Variants in EPS8 observed in about 807,000 individuals in gnomAD.
EPS8 encodes EGFR pathway substrate 8, signaling adaptor.
Under a neutral mutation model 103.8 loss-of-function variants are expected in EPS8, and 42 were observed. The observed-to-expected ratio is 0.40, with a 90% CI of 0.32 to 0.52. The LOEUF (loss-of-function observed/expected upper bound fraction) is 0.52, where lower values mean the gene tolerates loss of function less well. Ranked by LOEUF, EPS8 falls within the 20% of genes least tolerant of loss-of-function variation. The pLI is 0.40. For missense variants in EPS8, 969 were observed against 1,005.1 expected (o/e 0.96, Z 0.49); for synonymous variants, 344 against 344.6 (o/e 1.00, Z 0.02).
At position 15,779,344 on chromosome 12, in the gene EPS8, ATC is replaced by A. The variant is rs1182019675; in HGVS notation, c.-22+9815_-22+9816del. Reference sequence around the variant, plus strand: ...CTTCTATCTCTATCATCAAAAGTATATCTTTCTTTAAATTCTAAAAGAGCACT... The same window carrying A: ...CTTCTATCTCTATCATCAAAAGTATATTTCTTTAAATTCTAAAAGAGCACT... On this transcript the variant is annotated intron_variant, in intron 1 of 20. Transcript: ENST00000281172. This position sits in a 1 kb window ranked among gnomAD's most constrained non-coding sequence, Gnocchi z 4.3. Among the ~76,000 whole-genome samples, 13 of 152,350 alleles carry A rather than the reference ATC, an allele frequency of 8.5e-5. No homozygotes were observed. Among genetic ancestry groups the A allele is most frequent in the Non-Finnish European group, 1.2e-4 (8 of 68,032 alleles).
Position 15,733,891 on chromosome 12 carries a change from C to T in EPS8, c.-21-50919G>A, listed in dbSNP as rs1316150537. ...TTTATTTTCTTGAAAAAGGGTCTCA[C>T]TCTGTCACCCAGGCTGGAGTACAGT... On this transcript the variant is annotated intron_variant, in intron 1 of 20. Coordinates refer to ENST00000281172, the MANE Select transcript of EPS8 (RefSeq NM_004447.6). This position sits in a 1 kb window ranked among gnomAD's most constrained non-coding sequence, Gnocchi z 4.8. Among the ~76,000 whole-genome samples the T allele has an allele frequency of 6.6e-6, 1 of 151,658 alleles. No homozygotes were observed. The highest frequency in any genetic ancestry group is 6.6e-5 in the Admixed American group (1 of 15,154).
rs1946912928 is a variant in EPS8 at position 15,749,821 on chromosome 12, G to C, written c.-22+39340C>G. 6.6e-6 allele frequency among the ~76,000 whole-genome samples: 1 copy of C among 152,024 alleles called. No individual in the cohort carries two copies. Among genetic ancestry groups the C allele is most frequent in the Non-Finnish European group, 1.5e-5 (1 of 68,006 alleles). On this transcript the variant is annotated intron_variant, in intron 1 of 20. Transcript: ENST00000281172. The surrounding 1 kb of genome is among the most constrained non-coding windows in gnomAD (Gnocchi z 4.0). ...ACATTAGTTAGGGAATATTAGTTGTGCTTCCACACACCAGTAAGCCCAAAA... is the reference window on the plus strand; with the variant it reads ...ACATTAGTTAGGGAATATTAGTTGTCCTTCCACACACCAGTAAGCCCAAAA...
chr12:15,685,174 T>C (rs1225124305), intron 1 of EPS8, among the ~76,000 whole-genome samples: 1 of 152,198 alleles, frequency 6.6e-6, no homozygotes, highest in African/African-American at 2.4e-5. Flanking sequence ...AATAACATTA[T>C]GGAACTAGAG....
At chr12:15,694,557 A>G (rs1295665634) in intron 1 of EPS8, among the ~76,000 whole-genome samples, 2 of 73,344 alleles carry the variant, frequency 2.7e-5, no homozygotes, top group African/African-American at 6.9e-5. Flanking sequence ...AATAACCACT[A>G]CTTTATCCAT....
intron 18 of EPS8, among the ~76,000 whole-genome samples, chr12:15,629,736 T>A (rs1945011156): frequency 6.6e-6 from 1 of 152,184 alleles, no homozygotes; most frequent in Non-Finnish European, 1.5e-5. Flanking sequence ...GGGAGAAAAA[T>A]TAATGAGTAA....
intron 3 of EPS8, among the ~76,000 whole-genome samples, chr12:15,678,558 T>C (rs552268447): frequency 9.2e-5 from 14 of 152,326 alleles, no homozygotes; most frequent in Admixed American, 7.8e-4. Flanking sequence ...TTTAAAGTTA[T>C]GTGACTTTGA....
chr12:15,693,089 T>C lies in EPS8; in HGVS notation c.-21-10117A>G. On this transcript the variant is annotated intron_variant, in intron 1 of 20. Transcript: ENST00000281172. This position sits in a 1 kb window ranked among gnomAD's most constrained non-coding sequence, Gnocchi z 5.6. ...CCTAAAAAGGTGGCAAGAAAGTCAG[T>C]GTCCATGGGTGGGGCTTGTGAACAA... Among the ~76,000 whole-genome samples the C allele has an allele frequency of 6.6e-6, 1 of 152,172 alleles. No homozygotes were observed. Among genetic ancestry groups the C allele is most frequent in the South Asian group, 2.1e-4 (1 of 4,836 alleles).
Position 15,726,648 on chromosome 12 carries a change from A to T in EPS8, c.-21-43676T>A, listed in dbSNP as rs145917297. On this transcript the variant is annotated intron_variant, in intron 1 of 20. Coordinates refer to ENST00000281172, the MANE Select transcript of EPS8 (RefSeq NM_004447.6). The stretch of plus-strand genomic sequence containing the variant: ...ATTAGTGATATAGTGGGCACTCCTT[A>T]AAATAGTGAGACAGCAAAAAGAGGC... Among the ~76,000 whole-genome samples, 162 of 152,312 alleles carry T rather than the reference A, an allele frequency of 1.1e-3. 1 individual carries two copies. Among genetic ancestry groups the T allele is most frequent in the African/African-American group, 3.7e-3 (153 of 41,552 alleles).
At position 15,721,173 on chromosome 12, in the gene EPS8, G is replaced by T. The variant is rs1946590764; in HGVS notation, c.-21-38201C>A. On this transcript the variant is annotated intron_variant, in intron 1 of 20. Transcript: ENST00000281172. This position sits in a 1 kb window ranked among gnomAD's most constrained non-coding sequence, Gnocchi z 4.4. The stretch of plus-strand genomic sequence containing the variant: ...TGTCCACATATACTCAGAGTGAAAA[G>T]AAAGCAAGAAAATACTATAACACAA... 6.6e-6 allele frequency among the ~76,000 whole-genome samples: 1 copy of T among 152,142 alleles called. No individual in the cohort carries two copies. Among genetic ancestry groups the T allele is most frequent in the Non-Finnish European group, 1.5e-5 (1 of 68,024 alleles).
chr12:15,695,969 CAGAT>C lies in EPS8; in HGVS notation c.-21-13001_-21-12998del, dbSNP rs1362537590. The stretch of plus-strand genomic sequence containing the variant: ...AATTTATTAAAAAGTAAAAATAAAA[CAGAT>C]AGCGTTTATAAGGATACAAACACAG... On this transcript the variant is annotated intron_variant, in intron 1 of 20. Transcript: ENST00000281172. This position sits in a 1 kb window ranked among gnomAD's most constrained non-coding sequence, Gnocchi z 5.0. Among the ~76,000 whole-genome samples, 3 of 152,130 alleles carry C rather than the reference CAGAT, an allele frequency of 2.0e-5. No individual in the cohort carries two copies. The highest frequency in any genetic ancestry group is 2.1e-4 in the South Asian group (1 of 4,834).
intron 6 of EPS8, among the ~76,000 whole-genome samples, chr12:15,667,155 GA>G (rs1269339451): frequency 6.6e-6 from 1 of 152,152 alleles, no homozygotes; most frequent in Non-Finnish European, 1.5e-5. Flanking sequence ...AGTTTGTTTA[GA>G]GCCAGTGATC....
intron 1 of EPS8, among the ~76,000 whole-genome samples, chr12:15,691,826 TTC>T (rs1365552744): frequency 6.6e-6 from 1 of 152,196 alleles, no homozygotes; most frequent in East Asian, 1.9e-4. Context: ...TATATTTGTC[TTC>T]TGTTTGTTAA....
rs1487931361 is a variant in EPS8 at position 15,781,738 on chromosome 12, G to A, written c.-22+7423C>T. On this transcript the variant is annotated intron_variant, in intron 1 of 20. Coordinates refer to ENST00000281172, the MANE Select transcript of EPS8 (RefSeq NM_004447.6). The surrounding 1 kb of genome is among the most constrained non-coding windows in gnomAD (Gnocchi z 4.1). ...AAAGAAAAGGAATTTATGTCTTACA[G>A]TTATGGAGGTTAAGAAGTCCATGGT... The A allele has an allele frequency of 6.6e-6, 1 of 152,206 alleles. No homozygotes were observed. Among genetic ancestry groups the A allele is most frequent in the Non-Finnish European group, 1.5e-5 (1 of 68,064 alleles). The allele number at this position is 152,206 out of a possible 1,614,324, so 9.4% of individuals were successfully genotyped here.
In EPS8 at chr12:15,747,064, G is replaced by A. The variant is rs1193132255; in HGVS notation, c.-22+42097C>T. Among the ~76,000 whole-genome samples the A allele has an allele frequency of 6.6e-6, 1 of 152,160 alleles. No homozygotes were observed. The highest frequency in any genetic ancestry group is 2.4e-5 in the African/African-American group (1 of 41,432). The stretch of plus-strand genomic sequence containing the variant: ...TCAATACATATTTTGTACGCAGGAA[G>A]TGTTCAGAGAAAATAAACAAACTTT... On this transcript the variant is annotated intron_variant, in intron 1 of 20. Coordinates refer to ENST00000281172, the MANE Select transcript of EPS8 (RefSeq NM_004447.6). This position sits in a 1 kb window ranked among gnomAD's most constrained non-coding sequence, Gnocchi z 4.4.
chr12:15,675,920 A>ACAT (rs1945896846), intron 3 of EPS8, among the ~76,000 whole-genome samples: 2 of 152,180 alleles, frequency 1.3e-5, no homozygotes, highest in Non-Finnish European at 2.9e-5. Flanking sequence ...CGTTTGTTAG[A>ACAT]GATGCCACCA....
At chr12:15,626,565 G>T (rs976105963) in intron 18 of EPS8, among the ~76,000 whole-genome samples, 10 of 148,954 alleles carry the variant, frequency 6.7e-5, no homozygotes, top group African/African-American at 2.5e-4. Context: ...GGAGGCGGAG[G>T]TTGCAGTGTG....
chr12:15,643,600 A>G (rs1421697934), intron 15 of EPS8, among the ~76,000 whole-genome samples: 1 of 152,086 alleles, frequency 6.6e-6, no homozygotes, highest in Non-Finnish European at 1.5e-5. Context: ...TTAGCTGGGC[A>G]CGGTGGCACA....
intron 1 of EPS8, among the ~76,000 whole-genome samples, chr12:15,711,240 C>A (rs1025320982): frequency 3.3e-5 from 5 of 151,860 alleles, no homozygotes; most frequent in African/African-American, 9.7e-5. Flanking sequence ...TTTTTGTCAC[C>A]TTAAAACTCC....
rs533721426 is a variant in EPS8, at chr12:15,665,930, C to T, written c.600-38G>A. ...AAAACAAATAGAATTTTTACCATCT[C>T]TATTTCTATAACATATCAATTAACT... On this transcript the variant is annotated intron_variant, in intron 7 of 20. Transcript: ENST00000281172. 2.8e-4 allele frequency: 453 copies of T among 1,600,894 alleles called. 6 individuals are homozygous for T. The South Asian group carries it at 4.8e-3, about 17-fold the overall frequency.
Sources: allele counts gnomAD v4.1 joint callset (sites outside exome capture counted in the v4.1 genomes callset), GRCh38; gene constraint gnomAD v4.1.1; non-coding constraint Gnocchi (gnomAD v3.1); transcripts MANE v1.5; gene names NCBI Gene and HGNC (gene_info 2026-07-23, HGNC 2026-07-21).